The following SEC31A variants were observed in gnomAD, a reference collection of about 807,000 sequenced individuals.
SEC31A encodes protein transport protein Sec31A.
A neutral mutation model predicts 151.0 loss-of-function variants in SEC31A; 70 were observed. That is an observed-to-expected ratio of 0.46 (90% CI 0.38 to 0.57). The LOEUF is 0.57. Among genes scored for constraint, SEC31A ranks in the 20% least tolerant of loss-of-function variants. The pLI is 0.00. For synonymous variants in SEC31A, 475 were observed against 505.9 expected (o/e 0.94, Z 0.82); for missense variants, 1,330 against 1,471.2 (o/e 0.90, Z 1.57).
intron 5 of SEC31A, among the ~76,000 whole-genome samples, chr4:82,875,192 C>A (rs1322902893): frequency 6.6e-6 from 1 of 152,046 alleles, no homozygotes; most frequent in African/African-American, 2.4e-5. Flanking sequence ...CTCAGATTGC[C>A]AAAATGTTAG....
chr4:82,887,123 G>A lies in SEC31A; in HGVS notation c.-5+3965C>T, dbSNP rs374123101. ...AAAAAAGGAGAAAGTATGGTTAAGG[G>A]GGAAAAGGTTATAAGATGCCTTCAG... On this transcript the variant is annotated intron_variant, in intron 1 of 26. Coordinates refer to ENST00000395310, the MANE Select transcript of SEC31A (RefSeq NM_001077207.4). Among the ~76,000 whole-genome samples, 16 of 152,166 alleles carry A rather than the reference G, an allele frequency of 1.1e-4. No homozygotes were observed. The East Asian group carries it at 2.9e-3, about 28-fold the overall frequency.
intron 22 of SEC31A, among the ~76,000 whole-genome samples, chr4:82,829,876 T>C (rs537135387): frequency 3.3e-5 from 5 of 152,224 alleles, no homozygotes; most frequent in African/African-American, 1.2e-4. Context: ...TACAACATGC[T>C]GGAAATAAGA....
chr4:82,840,691 T>C (rs1466939754), intron 22 of SEC31A, among the ~76,000 whole-genome samples: 2 of 152,208 alleles, frequency 1.3e-5, no homozygotes, highest in African/African-American at 2.4e-5. Flanking sequence ...CTGTATAATA[T>C]AGCCTATTAC....
At chr4:82,862,758 T>A (rs555629037) in intron 12 of SEC31A, among the ~76,000 whole-genome samples, 186 bp from the exon 13 acceptor site, 2 of 152,368 alleles carry the variant, frequency 1.3e-5, no homozygotes, top group Admixed American at 6.5e-5. Context: ...CACATGGAAG[T>A]AATTAGAAAT....
At chr4:82,891,289 A>C, upstream of SEC31A, 1 of 1,086,126 alleles carries the variant, frequency 9.2e-7, no homozygotes, top group Non-Finnish European at 1.3e-6. Context: ...ACAGCCCGCC[A>C]CGGCACTTCC....
At chr4:82,851,379 T>A (rs1009375365) in intron 19 of SEC31A, 52 bp downstream of exon 19, 1 of 1,416,356 alleles carries the variant, frequency 7.1e-7, no homozygotes, top group African/African-American at 1.4e-5. Context: ...CTAAGTGTTA[T>A]CTACTGGACT....
chr4:82,866,569 T>C (rs1420165028), intron 10 of SEC31A, among the ~76,000 whole-genome samples: 2 of 152,190 alleles, frequency 1.3e-5, no homozygotes, highest in African/African-American at 4.8e-5. Context: ...TTGAACTGTA[T>C]ATTTAAAAAT....
intron 1 of SEC31A, among the ~76,000 whole-genome samples, chr4:82,884,939 T>C (rs968589800): frequency 3.3e-5 from 5 of 152,242 alleles, no homozygotes; most frequent in African/African-American, 9.6e-5. Context: ...TTTATGTCAA[T>C]TTCTCATGGT....
At chr4:82,891,490 C>T (rs1398590009), upstream of SEC31A, among the ~76,000 whole-genome samples, 1 of 152,220 alleles carries the variant, frequency 6.6e-6, no homozygotes, top group African/African-American at 2.4e-5. Context: ...ACCGCCGTGG[C>T]CCGCAGGAAC....
chr4:82,894,686 T>TG (rs2036767706), upstream of SEC31A: 2 of 152,254 alleles, frequency 1.3e-5, no homozygotes, highest in African/African-American at 4.8e-5. Flanking sequence ...ACTGTCCCTA[T>TG]CAACTTTTCA....
intron 20 of SEC31A, among the ~76,000 whole-genome samples, chr4:82,848,015 A>T (rs1368862499): frequency 6.6e-6 from 1 of 152,160 alleles, no homozygotes; most frequent in African/African-American, 2.4e-5. Flanking sequence ...GACTCCATCA[A>T]TCCTATCAGC....
chr4:82,827,394 C>G lies in SEC31A; in HGVS notation c.3266G>C (p.Gly1089Ala). 6.2e-7 allele frequency: 1 copy of G among 1,614,180 alleles called. No individual in the cohort carries two copies. Among genetic ancestry groups the G allele is most frequent in the South Asian group, 1.1e-5 (1 of 91,074 alleles). ...CTGGAAGGTATTTCCAATAGGAGCC[C>G]CTGGGGCACCTTCAATATTGGGCTT... ...FSKPNIEGAPGAPIGNTFQHV... is the reference protein window; with the variant it reads ...FSKPNIEGAPAAPIGNTFQHV... Residue 1089 changes from glycine (G) to alanine (A), a missense_variant, in exon 24 of 27, where the codon GGG becomes GCG. Transcript: ENST00000395310.
intron 12 of SEC31A, 57 bp from the exon 13 acceptor site, chr4:82,862,629 C>T: frequency 6.9e-7 from 1 of 1,450,978 alleles, no homozygotes; most frequent in Admixed American, 1.7e-5. Context: ...GAGCATCCAG[C>T]AAATGTTCAC....
At chr4:82,821,209 T>C in intron 25 of SEC31A, 101 bp from the exon 26 acceptor site, 2 of 865,748 alleles carry the variant, frequency 2.3e-6, no homozygotes, top group Non-Finnish European at 3.8e-6. Context: ...AAATGTTGAA[T>C]GGCTTCATTT....
intron 1 of SEC31A, among the ~76,000 whole-genome samples, chr4:82,883,729 T>C (rs546007120): frequency 2.6e-4 from 40 of 151,390 alleles, no homozygotes; most frequent in African/African-American, 9.0e-4. Context: ...CTCGGGAGGT[T>C]GAGGAGGAAG....
Position 82,867,308 on chromosome 4 carries a change from A to G in SEC31A, c.891T>C (p.Tyr297=). The G allele has an allele frequency of 6.2e-7, 1 of 1,614,050 alleles. No individual in the cohort carries two copies. The highest frequency in any genetic ancestry group is 2.2e-5 in the East Asian group (1 of 44,872). Residue 297 remains tyrosine (Y), a synonymous_variant, in exon 9 of 27, where the codon TAT becomes TAC. Coordinates refer to ENST00000395310, the MANE Select transcript of SEC31A (RefSeq NM_001077207.4). ...CSNPNTGEVL[Y]ELPTNTQWCF... ...ACCACTGTGTGTTGGTGGGAAGTTC[A>G]TATAACACCTAGGCCAACAAAAAAC...
chr4:82,827,526 G>A lies in SEC31A; in HGVS notation c.3134C>T (p.Pro1045Leu). ...TGGGAATGAAGACTGGCTTGACAGTGGTACTGGAGCTGAAGGCTGTTGCTG... is the reference window on the plus strand; with the variant it reads ...TGGGAATGAAGACTGGCTTGACAGTAGTACTGGAGCTGAAGGCTGTTGCTG... ...MLQQQPSAPV[P>L]LSSQSSFPQP... The change falls in exon 24 of 27, where the codon CCA becomes CTA. Residue 1045 changes from proline to leucine, a missense_variant. Pro to Leu is a moderately conservative substitution (Grantham distance 98, BLOSUM62 -3). Coordinates refer to ENST00000395310, the MANE Select transcript of SEC31A (RefSeq NM_001077207.4). 1 of 1,614,222 alleles carries A rather than the reference G, an allele frequency of 6.2e-7. No individual in the cohort carries two copies. The highest frequency in any genetic ancestry group is 8.5e-7 in the Non-Finnish European group (1 of 1,180,038).
At chr4:82,833,859 T>A (rs1726594031) in intron 22 of SEC31A, among the ~76,000 whole-genome samples, 1 of 152,224 alleles carries the variant, frequency 6.6e-6, no homozygotes, top group Admixed American at 6.5e-5. Context: ...GAGTTCAATT[T>A]AGTTTGGACT....
chr4:82,870,358 A>G lies in SEC31A; in HGVS notation c.849T>C (p.Ala283=), dbSNP rs1428150336. The change falls in exon 8 of 27, where the codon GCT becomes GCC. Residue 283 remains alanine (A), a synonymous_variant. Coordinates refer to ENST00000395310, the MANE Select transcript of SEC31A (RefSeq NM_001077207.4). ...PELLLSCGKD[A]KILCSNPNTG... ...TGTTTGGATTGGAGCAGAGAATCTT[A>G]GCATCTTTTCCACAGCTCAGTAACA... The G allele has an allele frequency of 6.2e-7, 1 of 1,613,870 alleles. No homozygotes were observed. The highest frequency in any genetic ancestry group is 8.5e-7 in the Non-Finnish European group (1 of 1,179,868).
Sources: allele counts gnomAD v4.1 joint callset (sites outside exome capture counted in the v4.1 genomes callset), GRCh38; gene constraint gnomAD v4.1.1; transcripts MANE v1.5; gene names NCBI Gene and HGNC (gene_info 2026-07-23, HGNC 2026-07-21).